The following ARID1B variants were observed in gnomAD, a reference collection of about 807,000 sequenced individuals.
ARID1B encodes the protein AT-rich interaction domain 1B, also known as AT-rich interactive domain-containing protein 1B.
ARID1B carries 30 observed loss-of-function variants against 212.3 expected under a neutral mutation model. The observed-to-expected ratio is 0.14, with a 90% CI of 0.11 to 0.19. The LOEUF is 0.19. Among genes scored for constraint, ARID1B ranks in the 10% least tolerant of loss-of-function variants. ARID1B has a pLI of 1.00. For missense variants in ARID1B, 2,891 were observed against 3,204.0 expected (o/e 0.90, Z 2.36); for synonymous variants, 1,402 against 1,301.7 (o/e 1.08, Z -1.66).
At chr6:156,966,386 CTTTTTTTTTT>C (rs1214987532) in intron 4 of ARID1B, among the ~76,000 whole-genome samples, 4 of 38,918 alleles carry the variant, frequency 1.0e-4, no homozygotes, top group Admixed American at 2.6e-4. Flanking sequence ...CTTTTCTTTT[CTTTTTTTTTT>C]TTTTTTTTTT....
intron 3 of ARID1B, among the ~76,000 whole-genome samples, chr6:156,913,485 A>G (rs1479690792): frequency 1.3e-5 from 2 of 152,028 alleles, no homozygotes; most frequent in African/African-American, 4.8e-5. Flanking sequence ...CCAAAGTTCT[A>G]GGATTACAGG....
chr6:156,842,511 T>C (rs958685842), intron 2 of ARID1B, among the ~76,000 whole-genome samples: 2 of 152,362 alleles, frequency 1.3e-5, no homozygotes, highest in East Asian at 1.9e-4. Flanking sequence ...CATTCATCCA[T>C]TGATAGACAT....
intron 1 of ARID1B, among the ~76,000 whole-genome samples, chr6:156,818,559 G>T (rs191090274): frequency 2.4e-4 from 37 of 152,180 alleles, no homozygotes; most frequent in African/African-American, 8.7e-4. Flanking sequence ...TCTGAGGGAG[G>T]TATTATTATT....
At chr6:157,126,280 G>A (rs1788131699) in intron 6 of ARID1B, among the ~76,000 whole-genome samples, 1 of 152,138 alleles carries the variant, frequency 6.6e-6, no homozygotes, top group Non-Finnish European at 1.5e-5. Context: ...AGAGCAAGAT[G>A]TGCGTTCTTC....
intron 4 of ARID1B, among the ~76,000 whole-genome samples, chr6:157,002,811 T>C (rs112623839): frequency 1.4e-4 from 22 of 152,350 alleles, no homozygotes; most frequent in African/African-American, 5.1e-4. Flanking sequence ...GAGAACATCT[T>C]GCAGGTAAAA....
At position 156,897,264 on chromosome 6, in the gene ARID1B, C is replaced by CTTCTTCTTCTTCTTCTTATTATTATTA. The variant is rs71027320; in HGVS notation, c.1987-4110_1987-4109insCTTCTTCTTCTTCTTATTATTATTATT. Among the ~76,000 whole-genome samples, 84 of 83,576 alleles carry CTTCTTCTTCTTCTTCTTATTATTATTA rather than the reference C, an allele frequency of 1.0e-3. 1 individual carries two copies. Among genetic ancestry groups the CTTCTTCTTCTTCTTCTTATTATTATTA allele is most frequent in the Non-Finnish European group, 1.5e-3 (63 of 41,628 alleles). 54.8% of individuals were successfully genotyped at this position (83,576 alleles called of 152,430 possible). On this transcript the variant is annotated intron_variant, in intron 2 of 19. Transcript: ENST00000636930. ...TCTTCTTCTTCTTCTTCTTCTTCTT[C>CTTCTTCTTCTTCTTCTTATTATTATTA]TTATTATTATTATTATTATTATTAT...
intron 4 of ARID1B, among the ~76,000 whole-genome samples, chr6:156,956,946 G>C (rs1403765031): frequency 6.6e-6 from 1 of 152,202 alleles, no homozygotes; most frequent in African/African-American, 2.4e-5. Flanking sequence ...ATCCCATATG[G>C]TCAGGATCTT....
intron 4 of ARID1B, among the ~76,000 whole-genome samples, chr6:157,025,011 A>G (rs116077321): frequency 0.01 from 1,565 of 152,352 alleles, 35 homozygotes; most frequent in African/African-American, 0.036. Context: ...TTCTGATTTT[A>G]AGTTCATTTG....
rs572236007 is a variant in ARID1B, at chr6:156,779,262, G to GCGCCGC, written c.1594_1599dup (p.Pro532_Pro533dup). 1.5e-4 allele frequency: 171 copies of GCGCCGC among 1,146,124 alleles called. No individual in the cohort carries two copies. The African/African-American group carries it at 2.2e-3, about 15-fold the overall frequency. The allele number at this position is 1,146,124 out of a possible 1,614,324, so 71.0% of individuals were successfully genotyped here. ...CTACCCCGAGTACAGCAGCCCCAGC[G>GCGCCGC]CGCCGCCGCCGCCGCCGTCGCAGCC... On this transcript the variant is annotated inframe_insertion, in exon 1 of 20. Transcript: ENST00000636930.
intron 3 of ARID1B, among the ~76,000 whole-genome samples, chr6:156,922,932 T>C (rs1196646969): frequency 6.6e-6 from 1 of 152,208 alleles, no homozygotes; most frequent in Non-Finnish European, 1.5e-5. Flanking sequence ...CCTCCAGGTC[T>C]GTGGCTCGTG....
Position 156,897,218 on chromosome 6 carries a change from G to GCTTCTTCTTCTT in ARID1B, c.1987-4121_1987-4110dup, listed in dbSNP as rs796265973. 7.7e-3 allele frequency among the ~76,000 whole-genome samples: 707 copies of GCTTCTTCTTCTT among 91,246 alleles called. 12 individuals carry two copies. Among genetic ancestry groups the GCTTCTTCTTCTT allele is most frequent in the East Asian group, 0.031 (84 of 2,728 alleles). 59.9% of individuals were successfully genotyped at this position (91,246 alleles called of 152,430 possible). A position where few individuals can be genotyped will look rare whatever the true frequency, so the allele number is the denominator to read the frequency against. ...TGCTGCTGCTGCTGCTGCTGCTGCT[G>GCTTCTTCTTCTT]CTTCTTCTTCTTCTTCTTCTTCTTC... On this transcript the variant is annotated intron_variant, in intron 2 of 19. Transcript: ENST00000636930.
chr6:156,944,493 G>T (rs1321253989), intron 4 of ARID1B, among the ~76,000 whole-genome samples: 1 of 152,096 alleles, frequency 6.6e-6, no homozygotes, highest in Admixed American at 6.5e-5. Context: ...GGGAAGTCTA[G>T]GGAAAAGGAA....
intron 12 of ARID1B, 59 bp downstream of exon 12, chr6:157,181,237 G>A (rs139315499): frequency 9.1e-5 from 144 of 1,575,106 alleles, no homozygotes; most frequent in Middle Eastern, 3.5e-4. Flanking sequence ...TTCTTACAGT[G>A]GCTTTCTTTG....
At chr6:156,833,701 A>G (rs1024725406) in intron 2 of ARID1B, among the ~76,000 whole-genome samples, 7 of 152,218 alleles carry the variant, frequency 4.6e-5, no homozygotes, top group African/African-American at 9.7e-5. Context: ...AAAATTAAAT[A>G]TAAACTAATT....
chr6:156,893,278 G>A (rs904991063), intron 2 of ARID1B, among the ~76,000 whole-genome samples: 2 of 152,014 alleles, frequency 1.3e-5, no homozygotes, highest in Admixed American at 6.5e-5. Context: ...CACTCGCCTC[G>A]GCCGTCCGAA....
intron 3 of ARID1B, among the ~76,000 whole-genome samples, chr6:156,920,178 T>TC (rs1019598475): frequency 6.6e-6 from 1 of 152,128 alleles, no homozygotes; most frequent in Admixed American, 6.5e-5. Flanking sequence ...CCCCTTCACC[T>TC]CCCTCCCCTT....
chr6:156,907,180 A>G (rs28648619), intron 3 of ARID1B, among the ~76,000 whole-genome samples: 8,433 of 152,218 alleles, frequency 0.055, 341 homozygotes, highest in Non-Finnish European at 0.083. Context: ...GGCTTCCAGC[A>G]TTTTGTCATT....
At position 157,094,059 on chromosome 6, in the gene ARID1B, A is replaced by G. The variant is rs1231406698; in HGVS notation, c.2491+9154A>G. ...AGGAAAAAAATCAGGTTACTTCTTTAGATAGCAGTGGCTAGTTAGGGCAGG... is the reference window on the plus strand; with the variant it reads ...AGGAAAAAAATCAGGTTACTTCTTTGGATAGCAGTGGCTAGTTAGGGCAGG... On this transcript the variant is annotated intron_variant, in intron 5 of 19. Coordinates refer to ENST00000636930, the MANE Select transcript of ARID1B (RefSeq NM_001374828.1). The surrounding 1 kb of genome is among the most constrained non-coding windows in gnomAD (Gnocchi z 4.3). 2.6e-5 allele frequency among the ~76,000 whole-genome samples: 4 copies of G among 152,204 alleles called. No individual in the cohort carries two copies. The highest frequency in any genetic ancestry group is 5.9e-5 in the Non-Finnish European group (4 of 68,032).
At chr6:157,045,281 A>G (rs1441127484) in intron 4 of ARID1B, among the ~76,000 whole-genome samples, 4 of 152,326 alleles carry the variant, frequency 2.6e-5, no homozygotes, top group Admixed American at 2.6e-4. Context: ...CCAATATAGT[A>G]TTTTGGATTT....
Sources: allele counts gnomAD v4.1 joint callset (sites outside exome capture counted in the v4.1 genomes callset), GRCh38; gene constraint gnomAD v4.1.1; non-coding constraint Gnocchi (gnomAD v3.1); transcripts MANE v1.5; gene names NCBI Gene and HGNC (gene_info 2026-07-23, HGNC 2026-07-21).